Variants in SDK2 observed in about 807,000 individuals in gnomAD.
SDK2 encodes the protein sidekick cell adhesion molecule 2.
In SDK2, 105 loss-of-function variants were observed where a neutral mutation model predicts 253.9. That is an observed-to-expected ratio of 0.41 (90% CI 0.35 to 0.49). The LOEUF is 0.49. SDK2 is among the 20% of genes least tolerant of loss of function. The pLI is 0.06. For missense variants in SDK2, 2,608 were observed against 3,003.0 expected, an observed-to-expected ratio of 0.87 and a Z score of 3.07; for synonymous variants, 1,249 against 1,234.9, an observed-to-expected ratio of 1.01 and a Z score of -0.24.
chr17:73,393,442 A>T, intron 27 of SDK2, 118 bp downstream of exon 27: 1 of 900,016 alleles, frequency 1.1e-6, no homozygotes, highest in Non-Finnish European at 1.6e-6. Context: ...TACCGGAGGC[A>T]TCTGAGGCCA....
At chr17:73,604,511 A>C (rs2045882351) in intron 1 of SDK2, among the ~76,000 whole-genome samples, 1 of 152,148 alleles carries the variant, frequency 6.6e-6, no homozygotes, top group East Asian at 1.9e-4. Context: ...AGGAACAAAC[A>C]GTTGCTCTGG....
intron 1 of SDK2, among the ~76,000 whole-genome samples, chr17:73,554,801 T>C (rs71380182): frequency 0.027 from 4,179 of 152,368 alleles, 90 homozygotes; most frequent in Non-Finnish European, 0.043. Flanking sequence ...AGCTGTGCTG[T>C]GGAGCTCTTG....
chr17:73,401,573 G>A (rs1020972695), intron 20 of SDK2, 81 bp downstream of exon 20: 1 of 1,301,342 alleles, frequency 7.7e-7, no homozygotes, highest in African/African-American at 1.5e-5. Context: ...GTGAAAAGTA[G>A]CTCAAAGGCA....
chr17:73,493,095 T>C (rs2063818166), intron 2 of SDK2, among the ~76,000 whole-genome samples: 1 of 152,136 alleles, frequency 6.6e-6, no homozygotes, highest in East Asian at 1.9e-4. Flanking sequence ...CCATTCCAGA[T>C]AAAAAACATA....
chr17:73,577,711 T>C (rs2045476280), intron 1 of SDK2, among the ~76,000 whole-genome samples: 1 of 152,192 alleles, frequency 6.6e-6, no homozygotes, highest in Non-Finnish European at 1.5e-5. Context: ...GGTAAACCCT[T>C]GACTTTCTTA....
At position 73,422,378 on chromosome 17, in the gene SDK2, C is replaced by T. The variant is rs1160592901; in HGVS notation, c.1954G>A (p.Val652Ile). The change falls in exon 15 of 45, where the codon GTC becomes ATC. Residue 652 changes from valine (V) to isoleucine (I), a missense_variant. Val to Ile is a conservative substitution (Grantham distance 29). This residue lies in a region of SDK2 where 1,505 missense variants were observed against 1,859.1 expected (regional missense o/e 0.81). Transcript: ENST00000392650. ...GAGCGTGCAGGAACCAGGCCCTTGA[C>T]TGTCACTGAGGTAGCTTTGGGGTCC... The part of the protein sequence containing the change: ...SVDPKATSVT[V>I]KGLVPARSYQ... The T allele has an allele frequency of 6.2e-7, 1 of 1,614,000 alleles. No homozygotes were observed. The highest frequency in any genetic ancestry group is 1.3e-5 in the African/African-American group (1 of 75,054).
intron 26 of SDK2, 34 bp from the exon 27 acceptor site, chr17:73,393,783 G>C (rs777241078): frequency 6.8e-7 from 1 of 1,476,036 alleles, no homozygotes; most frequent in East Asian, 2.4e-5. Context: ...AGGGCCTCAG[G>C]CCTGCATCTC....
At chr17:73,365,226 G>A in intron 38 of SDK2, 32 bp downstream of exon 38, 1 of 1,523,228 alleles carries the variant, frequency 6.6e-7, no homozygotes, top group Non-Finnish European at 8.8e-7. Flanking sequence ...CAAAGTGGGG[G>A]GCTGGGGAGC....
At position 73,361,721 on chromosome 17, in the gene SDK2, C is replaced by T. The variant is rs8067373; in HGVS notation, c.5430G>A (p.Pro1810=). 8,290 of 1,612,704 alleles carry T rather than the reference C, an allele frequency of 5.1e-3. 387 individuals carry two copies. In the African/African-American group the frequency reaches 0.097, roughly 19 times the overall value. The change falls in exon 39 of 45, where the codon CCG becomes CCA. Residue 1810 remains proline, a synonymous_variant. Coordinates refer to ENST00000392650, the MANE Select transcript of SDK2 (RefSeq NM_001144952.2). The surrounding 1 kb of genome is among the most constrained non-coding windows in gnomAD (Gnocchi z 4.1). The part of the protein sequence containing the change: ...RIRAKTFTYG[P]EIEANVTTGP... ...CCGTGGTGACGTTGGCTTCGATCTC[C>T]GGCCCGTAGGTGAAGGTCTTGGCTC... is the stretch of plus-strand genomic sequence containing the variant.
intron 33 of SDK2, among the ~76,000 whole-genome samples, chr17:73,381,980 C>T (rs1426625135): frequency 6.6e-6 from 1 of 152,028 alleles, no homozygotes; most frequent in South Asian, 2.1e-4. Flanking sequence ...TTCGGAAGGC[C>T]GAGGCAGGTG....
intron 5 of SDK2, 120 bp from the exon 6 acceptor site, chr17:73,441,043 G>A: frequency 2.8e-6 from 2 of 716,784 alleles, no homozygotes; most frequent in African/African-American, 1.8e-5. Flanking sequence ...GGTGGCCATG[G>A]GGGCAGCCCC....
chr17:73,452,941 A>G (rs1194069366), intron 4 of SDK2, among the ~76,000 whole-genome samples: 3 of 152,160 alleles, frequency 2.0e-5, no homozygotes, highest in Non-Finnish European at 4.4e-5. Context: ...GCTAAGAACC[A>G]TTCTCTGCTG....
At chr17:73,474,075 C>T (rs1422748134) in intron 2 of SDK2, among the ~76,000 whole-genome samples, 1 of 152,196 alleles carries the variant, frequency 6.6e-6, no homozygotes. Flanking sequence ...CTATGTTTCT[C>T]AGGCTGGTCT....
At chr17:73,392,687 A>C (rs2062937881) in intron 27 of SDK2, among the ~76,000 whole-genome samples, 1 of 152,156 alleles carries the variant, frequency 6.6e-6, no homozygotes, top group Admixed American at 6.5e-5. Context: ...AGCATATGCA[A>C]ACATATGGTA....
At chr17:73,414,581 C>A in intron 18 of SDK2, 63 bp downstream of exon 18, 3 of 1,331,610 alleles carry the variant, frequency 2.3e-6, no homozygotes, top group Non-Finnish European at 3.2e-6. Flanking sequence ...ACTCTGTCCC[C>A]TCTCCCCACC....
At chr17:73,488,306 A>G (rs4789067) in intron 2 of SDK2, among the ~76,000 whole-genome samples, 54,057 of 152,108 alleles carry the variant, frequency 0.36, 9,820 homozygotes, top group East Asian at 0.49. Flanking sequence ...ATGAGCCACC[A>G]CGCCCGGCCA....
At chr17:73,448,502 C>T (rs946863174) in intron 4 of SDK2, among the ~76,000 whole-genome samples, 4 of 151,702 alleles carry the variant, frequency 2.6e-5, no homozygotes, top group Non-Finnish European at 5.9e-5. Context: ...GTAGCTAGGA[C>T]TACAGGTGCG....
chr17:73,366,258 T>C (rs1444795405), intron 37 of SDK2, among the ~76,000 whole-genome samples: 1 of 152,204 alleles, frequency 6.6e-6, no homozygotes, highest in South Asian at 2.1e-4. Flanking sequence ...ACAGAACATG[T>C]TGTCCTGCTG....
In SDK2 at chr17:73,463,495, A is replaced by G. The variant is rs1274737763; in HGVS notation, c.332-7442T>C. Among the ~76,000 whole-genome samples, 6 of 152,324 alleles carry G rather than the reference A, an allele frequency of 3.9e-5. No individual in the cohort carries two copies. In the East Asian group the frequency reaches 9.6e-4, roughly 24 times the overall value. ...CCTACCTCCCAGCTGAAGGCCTAGA[A>G]CACTAACAATACCTTTCCCCTACCC... On this transcript the variant is annotated intron_variant, in intron 3 of 44. Transcript: ENST00000392650.
Sources: gnomAD v4.1 joint callset for allele counts (sites outside exome capture counted in the v4.1 genomes callset) on GRCh38, gnomAD v4.1.1 for gene constraint, gnomAD v4.1.1 regional missense constraint, Gnocchi (gnomAD v3.1) non-coding constraint, MANE v1.5 for transcripts, NCBI Gene and HGNC (gene_info 2026-07-23, HGNC 2026-07-21) for gene names.